SPATA17: variants seen among roughly 807,000 people sequenced by gnomAD.
The protein encoded by SPATA17 is spermatogenesis-associated protein 17.
SPATA17 carries 53 observed loss-of-function variants against 62.2 expected under a neutral mutation model. The observed-to-expected ratio is 0.85, with a 90% confidence interval of 0.68 to 1.07. SPATA17 has a LOEUF of 1.07. Ranked by LOEUF, SPATA17 falls within the 50% of genes least tolerant of loss-of-function variation. SPATA17 has a pLI of 0.00. For missense variants in SPATA17, 466 were observed against 425.5 expected (o/e 1.10, Z -0.84); for synonymous variants, 146 against 146.8 (o/e 0.99, Z 0.04).
At chr1:217,718,065 T>C (rs935738264) in intron 5 of SPATA17, among the ~76,000 whole-genome samples, 1 of 152,226 alleles carries the variant, frequency 6.6e-6, no homozygotes. Context: ...AGATTAGGAA[T>C]GTTGTTTTGT....
At chr1:217,677,856 T>A (rs1670986038) in intron 4 of SPATA17, among the ~76,000 whole-genome samples, 1 of 152,126 alleles carries the variant, frequency 6.6e-6, no homozygotes, top group Admixed American at 6.5e-5. Flanking sequence ...GATAAAAATA[T>A]CTAGTTAAGA....
chr1:217,832,549 A>C (rs757643276), intron 9 of SPATA17, among the ~76,000 whole-genome samples: 8 of 152,162 alleles, frequency 5.3e-5, no homozygotes, highest in Non-Finnish European at 1.2e-4. Flanking sequence ...TCATCACAGA[A>C]TGTAGCTACC....
At chr1:217,672,594 T>C (rs901777811) in intron 4 of SPATA17, among the ~76,000 whole-genome samples, 3 of 152,224 alleles carry the variant, frequency 2.0e-5, no homozygotes, top group South Asian at 2.1e-4. Flanking sequence ...AATTTATTTA[T>C]AGCCTATCCA....
At chr1:217,752,155 G>A (rs1672928665) in intron 6 of SPATA17, among the ~76,000 whole-genome samples, 1 of 152,126 alleles carries the variant, frequency 6.6e-6, no homozygotes, top group African/African-American at 2.4e-5. Flanking sequence ...GCCTCAAGTA[G>A]CTGAGACTAC....
intron 9 of SPATA17, among the ~76,000 whole-genome samples, chr1:217,842,999 C>G: frequency 6.6e-6 from 1 of 151,384 alleles, no homozygotes; most frequent in Middle Eastern, 3.4e-3. Context: ...AAGTATATTA[C>G]TGAATTATAT....
intron 1 of SPATA17, 93 bp from the exon 2 acceptor site, chr1:217,648,789 C>T (rs981666278): frequency 4.7e-6 from 3 of 642,156 alleles, no homozygotes; most frequent in Non-Finnish European, 7.7e-6. Context: ...TAATTATCAT[C>T]TTGGAAGAAA....
chr1:217,647,736 T>A (rs1199041548), intron 1 of SPATA17, among the ~76,000 whole-genome samples: 2 of 151,940 alleles, frequency 1.3e-5, no homozygotes, highest in Non-Finnish European at 2.9e-5. Context: ...TTTTTTTTTT[T>A]ATTTTGAGAC....
intron 9 of SPATA17, among the ~76,000 whole-genome samples, chr1:217,854,725 C>CT (rs1224220088): frequency 6.6e-6 from 1 of 152,094 alleles, no homozygotes; most frequent in African/African-American, 2.4e-5. Flanking sequence ...CATGTGTGTA[C>CT]TTTGGGAGGA....
rs1225021161 is a variant in SPATA17, at chr1:217,871,250, C to T, written c.*4231C>T. The stretch of plus-strand genomic sequence containing the variant: ...GGTTGTCAACTCAAGATTGTATTCT[C>T]ATCTGGGGACATTATGAATCTTGTT... On this transcript the variant is annotated 3_prime_UTR_variant, in exon 11 of 11. Coordinates refer to ENST00000366933, the MANE Select transcript of SPATA17 (RefSeq NM_138796.4). 1 of 152,158 alleles carries T rather than the reference C, an allele frequency of 6.6e-6. No individual in the cohort carries two copies. Among genetic ancestry groups the T allele is most frequent in the Non-Finnish European group, 1.5e-5 (1 of 68,024 alleles). 9.4% of individuals were successfully genotyped at this position (152,158 alleles called of 1,614,324 possible).
At chr1:217,828,707 G>C (rs1045305857) in intron 9 of SPATA17, among the ~76,000 whole-genome samples, 1 of 151,666 alleles carries the variant, frequency 6.6e-6, no homozygotes, top group East Asian at 1.9e-4. Context: ...ATCTGATAAG[G>C]GTCAATATTC....
chr1:217,853,231 A>G (rs947900491), intron 9 of SPATA17, among the ~76,000 whole-genome samples: 12 of 152,182 alleles, frequency 7.9e-5, no homozygotes, highest in African/African-American at 2.9e-4. Flanking sequence ...GGATCATGAG[A>G]GTAATGTTTA....
At chr1:217,641,643 G>A (rs1361871511) in intron 1 of SPATA17, among the ~76,000 whole-genome samples, 1 of 152,074 alleles carries the variant, frequency 6.6e-6, no homozygotes, top group Admixed American at 6.6e-5. Context: ...ATATATTTAA[G>A]TTATTGAAAC....
In SPATA17 at chr1:217,749,135, A is replaced by G. The variant is rs1019571877; in HGVS notation, c.519+7037A>G. ...GAAAGTATCTTTGGAGTGATAGGGA[A>G]ACTCGAGTAATGTTAAGATTACCTG... On this transcript the variant is annotated intron_variant, in intron 6 of 10. Transcript: ENST00000366933. Among the ~76,000 whole-genome samples the G allele has an allele frequency of 3.7e-4, 56 of 152,140 alleles. 1 individual carries two copies. The highest frequency in any genetic ancestry group is 7.4e-5 in the Non-Finnish European group (5 of 68,022).
rs1421427133 is a variant in SPATA17, at chr1:217,868,343, T to A, written c.*1324T>A. The A allele has an allele frequency of 6.6e-6, 1 of 152,194 alleles. No homozygotes were observed. The highest frequency in any genetic ancestry group is 1.5e-5 in the Non-Finnish European group (1 of 68,034). The allele number at this position is 152,194 out of a possible 1,614,324, so 9.4% of individuals were successfully genotyped here. ...AGTTAAAATACATATACTCCTCCTC[T>A]TATAATCGGTTATGTGCCAATAAAT... On this transcript the variant is annotated 3_prime_UTR_variant, in exon 11 of 11. Coordinates refer to ENST00000366933, the MANE Select transcript of SPATA17 (RefSeq NM_138796.4).
chr1:217,687,289 T>A (rs1671238569), intron 5 of SPATA17, among the ~76,000 whole-genome samples: 1 of 152,194 alleles, frequency 6.6e-6, no homozygotes, highest in African/African-American at 2.4e-5. Flanking sequence ...TTGAAATTCA[T>A]TTTTCAATCT....
chr1:217,865,224 GCTAT>G (rs1310902950), intron 10 of SPATA17, among the ~76,000 whole-genome samples: 1 of 152,112 alleles, frequency 6.6e-6, no homozygotes, highest in East Asian at 1.9e-4. Context: ...AATTTTTAGA[GCTAT>G]CTATTTGATT....
chr1:217,658,549 G>A (rs1670492037), intron 3 of SPATA17, among the ~76,000 whole-genome samples: 1 of 152,062 alleles, frequency 6.6e-6, no homozygotes, highest in African/African-American at 2.4e-5. Context: ...ACGAGGTCAG[G>A]AGATCAAGAC....
At chr1:217,659,872 C>G (rs1041349585) in intron 3 of SPATA17, among the ~76,000 whole-genome samples, 1 of 152,180 alleles carries the variant, frequency 6.6e-6, no homozygotes, top group Non-Finnish European at 1.5e-5. Flanking sequence ...TGATTCCAAA[C>G]TAAACTGCAT....
intron 1 of SPATA17, among the ~76,000 whole-genome samples, chr1:217,632,579 T>A (rs1245442561): frequency 6.6e-6 from 1 of 152,214 alleles, no homozygotes; most frequent in Admixed American, 6.5e-5. Flanking sequence ...TACATTCTTT[T>A]ATGAGATAAT....
Sources: gnomAD v4.1 joint callset for allele counts (sites outside exome capture counted in the v4.1 genomes callset) on GRCh38, gnomAD v4.1.1 for gene constraint, MANE v1.5 for transcripts, NCBI Gene and HGNC (gene_info 2026-07-23, HGNC 2026-07-21) for gene names.